The following NFIB variants were observed in gnomAD, a reference collection of about 807,000 sequenced individuals.
NFIB encodes nuclear factor I B, also known as nuclear factor 1 B-type.
Under a neutral mutation model 61.5 loss-of-function variants are expected in NFIB, and 11 were observed. The ratio of observed to expected loss-of-function variants is 0.18; its 90% confidence interval spans 0.11 to 0.30. The LOEUF (loss-of-function observed/expected upper bound fraction) is 0.30, where lower values mean the gene tolerates loss of function less well. NFIB is among the 10% of genes least tolerant of loss of function. The probability of loss-of-function intolerance (pLI) is 1.00; values close to 1 mark genes in which losing one functional copy is unlikely to be tolerated. For missense variants in NFIB, 471 were observed against 608.9 expected, an observed-to-expected ratio of 0.77 and a Z score of 2.38; for synonymous variants, 260 against 216.5, an observed-to-expected ratio of 1.20 and a Z score of -1.76.
At chr9:14,257,771 C>A (rs759831929) in intron 2 of NFIB, among the ~76,000 whole-genome samples, 30 of 151,808 alleles carry the variant, frequency 2.0e-4, no homozygotes, top group Non-Finnish European at 4.1e-4. Context: ...AGAAAAAAAA[C>A]GAAAGAAAGA....
intron 1 of NFIB, among the ~76,000 whole-genome samples, chr9:14,381,481 A>G (rs1402422378): frequency 2.6e-5 from 4 of 152,180 alleles, no homozygotes; most frequent in Non-Finnish European, 5.9e-5. Flanking sequence ...GTGAGCCACC[A>G]CACTTGCCTG....
intron 4 of NFIB, among the ~76,000 whole-genome samples, chr9:14,152,824 G>A (rs1211098193): frequency 6.6e-6 from 1 of 151,782 alleles, no homozygotes; most frequent in Admixed American, 6.6e-5. Context: ...ATACATGGGA[G>A]CTTAAAAAGT....
chr9:14,238,398 A>G (rs542355500), intron 2 of NFIB, among the ~76,000 whole-genome samples: 1 of 152,156 alleles, frequency 6.6e-6, no homozygotes, highest in Admixed American at 6.5e-5. Context: ...AGAGTTTAAT[A>G]CGTAAGGTTA....
chr9:14,424,117 A>G, the NFIB span, among the ~76,000 whole-genome samples: 3 of 152,184 alleles, frequency 2.0e-5, no homozygotes, highest in Non-Finnish European at 4.4e-5. Context: ...CTCTATGCTC[A>G]TAACACCGAT....
At chr9:14,388,014 A>G (rs2146536) in intron 1 of NFIB, among the ~76,000 whole-genome samples, 117,803 of 152,166 alleles carry the variant, frequency 0.77, 45,729 homozygotes, top group African/African-American at 0.8. Context: ...AGAGAAGCTT[A>G]TTTCTGTGTG....
intron 1 of NFIB, among the ~76,000 whole-genome samples, chr9:14,359,437 T>C (rs2061213374): frequency 6.6e-6 from 1 of 152,110 alleles, no homozygotes; most frequent in South Asian, 2.1e-4. Context: ...GAGATTGCAG[T>C]GATGTGGCCG....
At chr9:14,321,018 G>A (rs1026183821) in intron 1 of NFIB, among the ~76,000 whole-genome samples, 2 of 152,064 alleles carry the variant, frequency 1.3e-5, no homozygotes, top group African/African-American at 4.8e-5. Flanking sequence ...AGCAGAAGAT[G>A]GCCATGTTCA....
chr9:14,316,815 A>C (rs1374188778), upstream of NFIB, among the ~76,000 whole-genome samples: 1 of 152,154 alleles, frequency 6.6e-6, no homozygotes, highest in Non-Finnish European at 1.5e-5. Flanking sequence ...TACCAGCTTT[A>C]ACTACTGCAG....
chr9:14,215,714 A>G lies in NFIB; in HGVS notation c.563-35934T>C, dbSNP rs182467099. 8.3e-4 allele frequency among the ~76,000 whole-genome samples: 126 copies of G among 152,308 alleles called. 1 individual carries two copies. Among genetic ancestry groups the G allele is most frequent in the African/African-American group, 3.0e-3 (126 of 41,582 alleles). ...GTACTGAAAACCAGTCTAGCTTCCT[A>G]TGGTATGCATAACTTCCTCTGTAAT... is the stretch of plus-strand genomic sequence containing the variant. On this transcript the variant is annotated intron_variant, in intron 2 of 10. Transcript: ENST00000380953.
intron 3 of NFIB, among the ~76,000 whole-genome samples, chr9:14,160,831 C>CAAAAAAAAAAAAAAAAAAAACAAA (rs2044100152): frequency 1.0e-5 from 1 of 96,326 alleles, no homozygotes; most frequent in Non-Finnish European, 2.0e-5. Context: ...AAGGAAATCT[C>CAAAAAAAAAAAAAAAAAAAACAAA]AAAAAAAAAA....
At chr9:14,251,541 C>G (rs2055619580) in intron 2 of NFIB, among the ~76,000 whole-genome samples, 1 of 152,200 alleles carries the variant, frequency 6.6e-6, no homozygotes. Context: ...GATGTCAGTG[C>G]TATTTTCTCC....
chr9:14,185,952 T>C (rs1587419925), intron 2 of NFIB, among the ~76,000 whole-genome samples: 1 of 152,236 alleles, frequency 6.6e-6, no homozygotes, highest in East Asian at 1.9e-4. Flanking sequence ...TCCATGTCCC[T>C]ACTTTGCAAG....
At chr9:14,141,072 T>C (rs10511591) in intron 6 of NFIB, among the ~76,000 whole-genome samples, 46,342 of 152,142 alleles carry the variant, frequency 0.3, 9,400 homozygotes, top group African/African-American at 0.57. Flanking sequence ...GCCCTCTGGC[T>C]TAATGCGTTT....
At chr9:14,185,946 T>C (rs1190602568) in intron 2 of NFIB, among the ~76,000 whole-genome samples, 1 of 152,230 alleles carries the variant, frequency 6.6e-6, no homozygotes, top group African/African-American at 2.4e-5. Context: ...TGAAGGTCCA[T>C]GTCCCTACTT....
In NFIB at chr9:14,129,028, C is replaced by A. The variant is rs748539935; in HGVS notation, c.926-3262G>T. Among the ~76,000 whole-genome samples, 5 of 152,042 alleles carry A rather than the reference C, an allele frequency of 3.3e-5. No individual in the cohort carries two copies. The South Asian group carries it at 6.2e-4, about 19-fold the overall frequency. On this transcript the variant is annotated intron_variant, in intron 6 of 10. Transcript: ENST00000380953. The stretch of plus-strand genomic sequence containing the variant: ...TATGGGTCCATTTATTTTTTCAATT[C>A]TTTTTTGGGCATGCACCTAATAATA...
chr9:14,205,246 AGGAAGGAAGG>A (rs2049531747), intron 2 of NFIB, among the ~76,000 whole-genome samples: 1 of 11,404 alleles, frequency 8.8e-5, no homozygotes, highest in Non-Finnish European at 1.8e-4. Flanking sequence ...AAAAGAAGGG[AGGAAGGAAGG>A]GGGAGGGAAA....
At chr9:14,170,813 T>C (rs1197213771) in intron 3 of NFIB, among the ~76,000 whole-genome samples, 1 of 152,126 alleles carries the variant, frequency 6.6e-6, no homozygotes, top group Non-Finnish European at 1.5e-5. Context: ...CTAAGAAAAA[T>C]ATAGGTTATA....
chr9:14,101,037 G>A (rs539315891), intron 10 of NFIB, among the ~76,000 whole-genome samples: 1 of 152,190 alleles, frequency 6.6e-6, no homozygotes, highest in East Asian at 1.9e-4. Flanking sequence ...ATAACATATG[G>A]AAATATTAGG....
At chr9:14,477,483 C>A in the NFIB span, among the ~76,000 whole-genome samples, 29 of 152,086 alleles carry the variant, frequency 1.9e-4, no homozygotes, top group South Asian at 2.3e-3. Flanking sequence ...AATGCTTATC[C>A]ATTTAAACTA....
Sources: gnomAD v4.1 joint callset for allele counts (sites outside exome capture counted in the v4.1 genomes callset) on GRCh38, gnomAD v4.1.1 for gene constraint, MANE v1.5 for transcripts, NCBI Gene and HGNC (gene_info 2026-07-23, HGNC 2026-07-21) for gene names.